Variants in MCM6 observed in about 807,000 individuals in gnomAD.
MCM6 encodes DNA replication licensing factor MCM6.
Under a neutral mutation model 94.3 loss-of-function variants are expected in MCM6, and 46 were observed. The ratio of observed to expected loss-of-function variants is 0.49; its 90% CI spans 0.39 to 0.62. The LOEUF (loss-of-function observed/expected upper bound fraction) is 0.62. Among genes scored for constraint, MCM6 ranks in the 20% least tolerant of loss-of-function variants. MCM6 has a pLI of 0.00. For synonymous variants in MCM6, 335 were observed against 351.9 expected, an observed-to-expected ratio of 0.95 and a Z score of 0.54; for missense variants, 865 against 1,017.9, an observed-to-expected ratio of 0.85 and a Z score of 2.04.
At chr2:135,867,909 C>G (rs546105483) in intron 4 of MCM6, among the ~76,000 whole-genome samples, 9 of 152,094 alleles carry the variant, frequency 5.9e-5, no homozygotes, top group African/African-American at 2.2e-4. Context: ...CACCTGTAGT[C>G]CCAGCTACTC....
rs376597944 is a variant in MCM6 at position 135,870,326 on chromosome 2, A to T, written c.290T>A (p.Phe97Tyr). 1 of 1,613,882 alleles carries T rather than the reference A, an allele frequency of 6.2e-7. No homozygotes were observed. Among genetic ancestry groups the T allele is most frequent in the Non-Finnish European group, 8.5e-7 (1 of 1,179,918 alleles). Residue 97 changes from phenylalanine to tyrosine, a missense_variant, in exon 3 of 17, where the codon TTC (phenylalanine) becomes TAC (tyrosine). Phe to Tyr is a conservative substitution (Grantham distance 22). Transcript: ENST00000264156. ...YPYLCRALKTFVKDRKEIPLA... is the reference protein window; with the variant it reads ...YPYLCRALKTYVKDRKEIPLA... ...AGGGATCTCTTTACGGTCTTTGACG[A>T]ATGTTTTCAAGGCCCGACACAGGTA... is the stretch of plus-strand genomic sequence containing the variant.
intron 7 of MCM6, among the ~76,000 whole-genome samples, chr2:135,864,389 G>A (rs558780487): frequency 6.6e-6 from 1 of 152,222 alleles, no homozygotes; most frequent in Admixed American, 6.5e-5. Flanking sequence ...CCCAGCTACT[G>A]GGGAGGCTGG....
intron 11 of MCM6, among the ~76,000 whole-genome samples, chr2:135,856,500 A>G (rs1679894953): frequency 6.6e-6 from 1 of 152,254 alleles, no homozygotes; most frequent in Non-Finnish European, 1.5e-5. Context: ...AGAAATAAAT[A>G]GTAACAAAAC....
intron 2 of MCM6, among the ~76,000 whole-genome samples, chr2:135,871,059 A>G (rs914624151): frequency 2.0e-5 from 3 of 152,120 alleles, no homozygotes; most frequent in African/African-American, 7.2e-5. Context: ...GGCTGGTTTG[A>G]TAAGAAATGG....
chr2:135,845,106 G>A (rs1679646165), intron 15 of MCM6, among the ~76,000 whole-genome samples: 1 of 152,166 alleles, frequency 6.6e-6, no homozygotes, highest in Non-Finnish European at 1.5e-5. Flanking sequence ...GTAGAAAGGG[G>A]AAGGCTTTAT....
In MCM6 at chr2:135,851,446, T is replaced by A; in HGVS notation, c.1873A>T (p.Ile625Phe). The A allele has an allele frequency of 6.2e-7, 1 of 1,613,820 alleles. No homozygotes were observed. The highest frequency in any genetic ancestry group is 8.5e-7 in the Non-Finnish European group (1 of 1,179,876). Residue 625 changes from isoleucine to phenylalanine, a missense_variant, in exon 13 of 17, where the codon ATT becomes TTT. This residue lies in a region of MCM6 where 308 missense variants were observed against 324.5 expected (regional missense o/e 0.95). Transcript: ENST00000264156. ...RITVRQLESM[I>F]RLSEAMARMH... ...CGAGCCATAGCTTCAGAGAGACGAA[T>A]CATGCTCTCAAGCTGTCGCACTGTA...
intron 16 of MCM6, 24 bp downstream of exon 16, chr2:135,844,521 G>T: frequency 6.8e-7 from 1 of 1,462,376 alleles, no homozygotes; most frequent in South Asian, 1.6e-5. Context: ...CCTGATACCA[G>T]AGCACGCGCA....
intron 16 of MCM6, among the ~76,000 whole-genome samples, chr2:135,843,946 G>A (rs4988273): frequency 6.6e-6 from 1 of 152,140 alleles, no homozygotes; most frequent in East Asian, 1.9e-4. Context: ...GCCTGTGAGA[G>A]AGTGAGGCAA....
Position 135,868,678 on chromosome 2 carries a change from G to A in MCM6, c.548C>T (p.Pro183Leu), listed in dbSNP as rs755298247. ...GAATCTCCTCCTGTTGGCACAAACT[G>A]GATTTCGGCAGATGTTTGGCTGTGT... ...KYTQPNICRN[P>L]VCANRRRFLL... Residue 183 changes from proline (P) to leucine (L), a missense_variant, in exon 4 of 17, where the codon CCA becomes CTA. Physicochemically the swap from Pro to Leu is moderately conservative, Grantham distance 98. Around this residue, in one of 3 missense-constraint regions of MCM6, gnomAD observed 404 missense variants for 451.9 expected, o/e 0.89. Coordinates refer to ENST00000264156, the MANE Select transcript of MCM6 (RefSeq NM_005915.6). The A allele has an allele frequency of 1.9e-6, 3 of 1,614,128 alleles. No homozygotes were observed. Among genetic ancestry groups the A allele is most frequent in the Non-Finnish European group, 2.5e-6 (3 of 1,179,996 alleles).
At position 135,857,984 on chromosome 2, in the gene MCM6, T is replaced by C. The variant is rs1679923412; in HGVS notation, c.1383A>G (p.Glu461=). The change falls in exon 10 of 17, where the codon GAA becomes GAG. Residue 461 remains glutamate, a synonymous_variant. Transcript: ENST00000264156. ...GATCCCGCACGTCCATCTTATCAAA[T>C]TCATCAATACAACACACACCCTGTA... is the stretch of plus-strand genomic sequence containing the variant. ...LADNGVCCID[E]FDKMDVRDQV... 1 of 1,613,722 alleles carries C rather than the reference T, an allele frequency of 6.2e-7. No homozygotes were observed. The highest frequency in any genetic ancestry group is 8.5e-7 in the Non-Finnish European group (1 of 1,180,016).
intron 16 of MCM6, 56 bp downstream of exon 16, chr2:135,844,489 C>T: frequency 1.5e-6 from 2 of 1,371,254 alleles, no homozygotes; most frequent in Non-Finnish European, 1.9e-6. Context: ...CCTGCAGATA[C>T]AGGGCATGAA....
At chr2:135,867,943 C>T (rs570644674) in intron 4 of MCM6, among the ~76,000 whole-genome samples, 1 of 152,012 alleles carries the variant, frequency 6.6e-6, no homozygotes, top group East Asian at 1.9e-4. Flanking sequence ...AGGAGAATGG[C>T]GTGAACCCAG....
Position 135,852,098 on chromosome 2 carries a change from CAAG to C in MCM6, c.1756-538_1756-536del, listed in dbSNP as rs562980162. Among the ~76,000 whole-genome samples the C allele has an allele frequency of 6.1e-4, 93 of 152,248 alleles. 1 individual carries two copies. The highest frequency in any genetic ancestry group is 5.9e-4 in the Non-Finnish European group (40 of 68,012). ...TGGAGAACAGATGCTCTTTTTTACACAAGAATCACCCATAATCCTTAGTTTTAA... is the reference window on the plus strand; with the variant it reads ...TGGAGAACAGATGCTCTTTTTTACACAATCACCCATAATCCTTAGTTTTAA... On this transcript the variant is annotated intron_variant, in intron 12 of 16. Transcript: ENST00000264156.
intron 9 of MCM6, 51 bp from the exon 10 acceptor site, chr2:135,858,055 T>C: frequency 1.3e-6 from 2 of 1,511,742 alleles, no homozygotes; most frequent in African/African-American, 1.4e-5. Flanking sequence ...GCTGGATGCA[T>C]GGCTCACACT....
At chr2:135,853,361 T>C (rs1424995984) in intron 11 of MCM6, among the ~76,000 whole-genome samples, 6 of 152,154 alleles carry the variant, frequency 3.9e-5, no homozygotes, top group Non-Finnish European at 7.4e-5. Flanking sequence ...GGAGGATCAC[T>C]TGAGCCCAGG....
intron 15 of MCM6, among the ~76,000 whole-genome samples, chr2:135,845,400 C>T (rs1389411277): frequency 6.6e-6 from 1 of 152,152 alleles, no homozygotes; most frequent in African/African-American, 2.4e-5. Flanking sequence ...ATCAAGAACA[C>T]CTTGAGTTCC....
Position 135,840,493 on chromosome 2 carries a change from G to GA in MCM6, c.*341dup, listed in dbSNP as rs201030245. 5.1e-3 allele frequency: 860 copies of GA among 168,716 alleles called. 7 individuals carry two copies. Among genetic ancestry groups the GA allele is most frequent in the African/African-American group, 0.019 (796 of 42,152 alleles). The allele number at this position is 168,716 out of a possible 1,614,324, so 10.5% of individuals were successfully genotyped here. ...TGAATAAAAGCAGTAGCTGGCAATTGAAAAAAAGTTATTTGCTCAATAGGA... is the reference window on the plus strand; with the variant it reads ...TGAATAAAAGCAGTAGCTGGCAATTGAAAAAAAAGTTATTTGCTCAATAGGA... On this transcript the variant is annotated 3_prime_UTR_variant, in exon 17 of 17. Transcript: ENST00000264156.
At chr2:135,875,656 G>C (rs1680280904) in intron 1 of MCM6, among the ~76,000 whole-genome samples, 1 of 152,184 alleles carries the variant, frequency 6.6e-6, no homozygotes, top group Admixed American at 6.5e-5. Flanking sequence ...GTAGAGAAAG[G>C]AAAGGAAGGC....
At chr2:135,846,153 C>T (rs1395295682) in intron 15 of MCM6, 84 bp downstream of exon 15, 18 of 1,371,636 alleles carry the variant, frequency 1.3e-5, no homozygotes, top group South Asian at 2.6e-5. Context: ...CAGAACAACA[C>T]GAAGTTTGGC....
Sources: gnomAD v4.1 joint callset for allele counts (sites outside exome capture counted in the v4.1 genomes callset) on GRCh38, gnomAD v4.1.1 for gene constraint, gnomAD v4.1.1 regional missense constraint, MANE v1.5 for transcripts, NCBI Gene and HGNC (gene_info 2026-07-23, HGNC 2026-07-21) for gene names.